LEPR: variants seen among roughly 807,000 people sequenced by gnomAD.
The protein encoded by LEPR is leptin receptor.
Under a neutral mutation model 114.7 loss-of-function variants are expected in LEPR, and 56 were observed. The observed-to-expected ratio is 0.49, with a 90% CI of 0.39 to 0.61. The LOEUF (loss-of-function observed/expected upper bound fraction) is 0.61. Ranked by LOEUF, LEPR falls within the 20% of genes least tolerant of loss-of-function variation. LEPR has a pLI of 0.00. For missense variants in LEPR, 1,202 were observed against 1,352.9 expected (o/e 0.89, Z 1.75); for synonymous variants, 443 against 461.4 (o/e 0.96, Z 0.51).
At chr1:65,529,057 C>T (rs1017772615) in intron 2 of LEPR, among the ~76,000 whole-genome samples, 1 of 151,764 alleles carries the variant, frequency 6.6e-6, no homozygotes, top group African/African-American at 2.4e-5. Flanking sequence ...TCATGATCTG[C>T]CCACTTCGGC....
chr1:65,495,242 CTAAA>C (rs1009998846), intron 2 of LEPR, among the ~76,000 whole-genome samples: 3 of 151,686 alleles, frequency 2.0e-5, no homozygotes, highest in Admixed American at 6.6e-5. Flanking sequence ...CCCAAAAGAC[CTAAA>C]TAGACATTTC....
chr1:65,607,278 T>C (rs1656875861), intron 11 of LEPR, among the ~76,000 whole-genome samples: 1 of 152,206 alleles, frequency 6.6e-6, no homozygotes, highest in Admixed American at 6.5e-5. Context: ...TGCAGTTGTT[T>C]CCTGCATATT....
At chr1:65,420,866 T>G in intron 1 of LEPR, 126 bp downstream of exon 1, 1 of 1,202,274 alleles carries the variant, frequency 8.3e-7, no homozygotes, top group South Asian at 1.4e-5. Context: ...GCCTCTCCGG[T>G]TCGGGAGGCG....
intron 2 of LEPR, among the ~76,000 whole-genome samples, chr1:65,546,385 A>C (rs1326642430): frequency 1.3e-5 from 2 of 152,158 alleles, no homozygotes; most frequent in Non-Finnish European, 2.9e-5. Flanking sequence ...TTGAATCTAT[A>C]AATTACCTTG....
At chr1:65,550,486 G>C (rs1251996281) in intron 2 of LEPR, among the ~76,000 whole-genome samples, 1 of 152,226 alleles carries the variant, frequency 6.6e-6, no homozygotes, top group East Asian at 1.9e-4. Flanking sequence ...GAGCTTCCTG[G>C]CTGTTTTGTT....
At position 65,618,247 on chromosome 1, in the gene LEPR, A is replaced by G. The variant is rs1657649079; in HGVS notation, c.2395+101A>G. On this transcript the variant is annotated intron_variant, in intron 16 of 19. Coordinates refer to ENST00000349533, the MANE Select transcript of LEPR (RefSeq NM_002303.6). ...GCCAGTTAATGAAAACTTCAAAAATATAGAGGATACTACCATCCTAATACA... is the reference window on the plus strand; with the variant it reads ...GCCAGTTAATGAAAACTTCAAAAATGTAGAGGATACTACCATCCTAATACA... The G allele has an allele frequency of 4.8e-6, 5 of 1,045,564 alleles. No homozygotes were observed. The African/African-American group carries it at 6.4e-5, about 13-fold the overall frequency. 64.8% of individuals were successfully genotyped at this position (1,045,564 alleles called of 1,614,324 possible). A position where few individuals can be genotyped will look rare whatever the true frequency, so the allele number is the denominator to read the frequency against.
At chr1:65,519,355 G>T (rs1375894782) in intron 2 of LEPR, among the ~76,000 whole-genome samples, 1 of 151,784 alleles carries the variant, frequency 6.6e-6, no homozygotes, top group African/African-American at 2.4e-5. Flanking sequence ...TTGCCATGTT[G>T]CCCATGCTGG....
chr1:65,493,783 C>T (rs947855197), intron 2 of LEPR: 3 of 152,090 alleles, frequency 2.0e-5, no homozygotes, highest in Admixed American at 6.6e-5. Flanking sequence ...GTCAAACTAC[C>T]TGGTATAATC....
At chr1:65,550,093 G>A (rs1472798960) in intron 2 of LEPR, among the ~76,000 whole-genome samples, 2 of 152,174 alleles carry the variant, frequency 1.3e-5, no homozygotes, top group Admixed American at 6.5e-5. Flanking sequence ...GACCCTGTTT[G>A]CCTGGGTATC....
At chr1:65,634,226 G>A in intron 19 of LEPR, 1 of 938,382 alleles carries the variant, frequency 1.1e-6, no homozygotes, top group Non-Finnish European at 1.3e-6. Context: ...GCGTATATAT[G>A]TATATATGGA....
intron 2 of LEPR, among the ~76,000 whole-genome samples, chr1:65,538,520 C>T (rs1170796282): frequency 6.6e-6 from 1 of 152,072 alleles, no homozygotes; most frequent in Non-Finnish European, 1.5e-5. Flanking sequence ...TAAATTTATA[C>T]TATATAAATT....
intron 19 of LEPR, among the ~76,000 whole-genome samples, chr1:65,625,142 A>T (rs1658123193): frequency 6.6e-6 from 1 of 152,152 alleles, no homozygotes; most frequent in Non-Finnish European, 1.5e-5. Context: ...TATGTCGTTC[A>T]TTCATTTGTT....
intron 19 of LEPR, chr1:65,635,409 T>C: frequency 1.0e-6 from 1 of 973,270 alleles, no homozygotes; most frequent in Non-Finnish European, 1.2e-6. Context: ...TAATCACTTC[T>C]ATAAAAAATA....
At chr1:65,536,455 C>T (rs1650785053) in intron 2 of LEPR, among the ~76,000 whole-genome samples, 1 of 151,994 alleles carries the variant, frequency 6.6e-6, no homozygotes, top group Non-Finnish European at 1.5e-5. Flanking sequence ...CTCAGGTTTT[C>T]CTTTGTTACA....
At chr1:65,620,997 A>C (rs943644741) in intron 17 of LEPR, among the ~76,000 whole-genome samples, 4 of 152,072 alleles carry the variant, frequency 2.6e-5, no homozygotes, top group African/African-American at 9.7e-5. Context: ...CAAGATAGAG[A>C]TTGGCAGGTG....
At chr1:65,521,548 A>C (rs1482075831) in intron 2 of LEPR, among the ~76,000 whole-genome samples, 1 of 152,224 alleles carries the variant, frequency 6.6e-6, no homozygotes, top group Non-Finnish European at 1.5e-5. Flanking sequence ...TTATTCCATT[A>C]ACCAAAGCTG....
chr1:65,500,813 C>T (rs759506861), intron 2 of LEPR, among the ~76,000 whole-genome samples: 6 of 152,144 alleles, frequency 3.9e-5, no homozygotes, highest in Admixed American at 6.6e-5. Context: ...TTAACCCCCA[C>T]GTTGTTCAAC....
chr1:65,501,964 A>G (rs768262626), intron 2 of LEPR, among the ~76,000 whole-genome samples: 33 of 152,124 alleles, frequency 2.2e-4, no homozygotes, highest in Non-Finnish European at 3.7e-4. Context: ...TAATAAGGTA[A>G]CATTGGCAAT....
intron 2 of LEPR, among the ~76,000 whole-genome samples, chr1:65,472,422 A>ACACG (rs1647096255): frequency 7.0e-6 from 1 of 142,696 alleles, no homozygotes; most frequent in South Asian, 2.1e-4. Flanking sequence ...ACACACACAC[A>ACACG]CACACACACA....
Sources: allele counts gnomAD v4.1 joint callset (sites outside exome capture counted in the v4.1 genomes callset), GRCh38; gene constraint gnomAD v4.1.1; transcripts MANE v1.5; gene names NCBI Gene and HGNC (gene_info 2026-07-23, HGNC 2026-07-21).